The following CLIC5 variants were observed in gnomAD, a reference collection of about 807,000 sequenced individuals.
The protein encoded by CLIC5 is CLIC family member 5.
CLIC5 carries 20 observed loss-of-function variants against 24.7 expected under a neutral mutation model. The ratio of observed to expected loss-of-function variants is 0.81; its 90% CI spans 0.57 to 1.18. CLIC5 has a LOEUF of 1.18. CLIC5 is among the 50% of genes most tolerant of loss of function. The pLI is 0.00. For synonymous variants in CLIC5, 159 were observed against 135.6 expected (o/e 1.17, Z -1.20); for missense variants, 341 against 326.1 (o/e 1.05, Z -0.35).
intron 4 of CLIC5, among the ~76,000 whole-genome samples, chr6:45,936,370 A>T (rs1763936160): frequency 6.6e-6 from 1 of 151,544 alleles, no homozygotes; most frequent in Non-Finnish European, 1.5e-5. Context: ...ATACCCTGCT[A>T]ATTTTTGTAT....
At chr6:45,964,408 G>A (rs552776598) in intron 1 of CLIC5, among the ~76,000 whole-genome samples, 11 of 152,244 alleles carry the variant, frequency 7.2e-5, no homozygotes, top group South Asian at 6.2e-4. Flanking sequence ...TCTTAAAATA[G>A]GGCAGGCTTT....
chr6:45,955,451 T>A (rs1764612138), intron 1 of CLIC5, among the ~76,000 whole-genome samples: 1 of 152,208 alleles, frequency 6.6e-6, no homozygotes, highest in South Asian at 2.1e-4. Flanking sequence ...CAATAAATAC[T>A]TGCTGAATTG....
At chr6:46,070,553 C>A (rs1176567317) in intron 1 of CLIC5, among the ~76,000 whole-genome samples, 1 of 152,074 alleles carries the variant, frequency 6.6e-6, no homozygotes, top group Non-Finnish European at 1.5e-5. Flanking sequence ...TTATAAAACA[C>A]TACTCAAAGA....
At chr6:45,974,497 G>GTGTGTA (rs1192750031) in intron 1 of CLIC5, among the ~76,000 whole-genome samples, 2 of 76,208 alleles carry the variant, frequency 2.6e-5, no homozygotes, top group Non-Finnish European at 5.1e-5. Context: ...GTGTGTGTGT[G>GTGTGTA]TATATATATA....
At chr6:45,934,603 G>A (rs931593301) in intron 4 of CLIC5, among the ~76,000 whole-genome samples, 25 of 152,232 alleles carry the variant, frequency 1.6e-4, no homozygotes, top group African/African-American at 6.0e-4. Context: ...TCTCACTAGG[G>A]GAAAGGGAGT....
At chr6:45,895,124 A>G (rs1248567202), downstream of CLIC5, among the ~76,000 whole-genome samples, 1 of 152,206 alleles carries the variant, frequency 6.6e-6, no homozygotes, top group African/African-American at 2.4e-5. Context: ...GATTACCAGT[A>G]TAATTTATTT....
chr6:45,898,989 T>C lies in CLIC5; in HGVS notation c.*4099A>G, dbSNP rs886423931. The stretch of plus-strand genomic sequence containing the variant: ...TTATTTTTGGTTGCAAGAAAGGAAT[T>C]GGATCTATTTCTTTAACGTTAAATG... On this transcript the variant is annotated 3_prime_UTR_variant, in exon 6 of 6. Coordinates refer to ENST00000339561, the MANE Select transcript of CLIC5 (RefSeq NM_016929.5). 1 of 152,192 alleles carries C rather than the reference T, an allele frequency of 6.6e-6. No homozygotes were observed. Among genetic ancestry groups the C allele is most frequent in the African/African-American group, 2.4e-5 (1 of 41,448 alleles). The allele number at this position is 152,192 out of a possible 1,614,324, so 9.4% of individuals were successfully genotyped here. A position where few individuals can be genotyped will look rare whatever the true frequency, so the allele number is the denominator to read the frequency against.
Position 45,902,946 on chromosome 6 carries a change from GGA to G in CLIC5, c.*140_*141del. 2 of 848,948 alleles carry G rather than the reference GGA, an allele frequency of 2.4e-6. No homozygotes were observed. Among genetic ancestry groups the G allele is most frequent in the Non-Finnish European group, 3.7e-6 (2 of 534,462 alleles). The allele number at this position is 848,948 out of a possible 1,614,324, so 52.6% of individuals were successfully genotyped here. A position where few individuals can be genotyped will look rare whatever the true frequency, so the allele number is the denominator to read the frequency against. Reference sequence around the variant, plus strand: ...TGACCTTCATGAAAGATAGCAGGCTGGAGTTCCCATGATACCAGCAAGATGAG... The same window carrying G: ...TGACCTTCATGAAAGATAGCAGGCTGGTTCCCATGATACCAGCAAGATGAG... On this transcript the variant is annotated 3_prime_UTR_variant, in exon 6 of 6. Coordinates refer to ENST00000339561, the MANE Select transcript of CLIC5 (RefSeq NM_016929.5).
In CLIC5 at chr6:46,005,982, A is replaced by G. The variant is rs561933860; in HGVS notation, c.63+9498T>C. On this transcript the variant is annotated intron_variant, in intron 1 of 5. Coordinates refer to ENST00000339561, the MANE Select transcript of CLIC5 (RefSeq NM_016929.5). ...AGATTAGGACAGAGCCTATGTGTGT[A>G]TATATATATATATATATTTATATAT... Among the ~76,000 whole-genome samples, 343 of 117,624 alleles carry G rather than the reference A, an allele frequency of 2.9e-3. 2 individuals carry two copies. The highest frequency in any genetic ancestry group is 9.2e-3 in the African/African-American group (253 of 27,612). 77.2% of individuals were successfully genotyped at this position (117,624 alleles called of 152,430 possible). A position where few individuals can be genotyped will look rare whatever the true frequency, so the allele number is the denominator to read the frequency against.
Position 46,015,811 on chromosome 6 carries a change from C to T in CLIC5, c.-269G>A. On this transcript the variant is annotated 5_prime_UTR_variant, in exon 1 of 6. Coordinates refer to ENST00000339561, the MANE Select transcript of CLIC5 (RefSeq NM_016929.5). ...AGGGAATGACAACAGGTCGTGGGAG[C>T]AACAAGTGCCGGGCTGCCCGGAGGT... 1.7e-6 allele frequency: 2 copies of T among 1,184,532 alleles called. No individual in the cohort carries two copies. Among genetic ancestry groups the T allele is most frequent in the East Asian group, 7.2e-5 (2 of 27,632 alleles). 73.4% of individuals were successfully genotyped at this position (1,184,532 alleles called of 1,614,324 possible).
intron 6 of CLIC5, among the ~76,000 whole-genome samples, chr6:45,893,120 T>C (rs1762366902): frequency 6.6e-6 from 1 of 152,158 alleles, no homozygotes; most frequent in African/African-American, 2.4e-5. Context: ...TATGTTGTGG[T>C]TCAGCGAGAG....
At chr6:45,911,673 G>T in intron 5 of CLIC5, 5 of 985,270 alleles carry the variant, frequency 5.1e-6, no homozygotes, top group Non-Finnish European at 6.0e-6. Flanking sequence ...CAGAATGTTA[G>T]TTTCAATACA....
In CLIC5 at chr6:46,037,023, A is replaced by T. The variant is rs142766788; in HGVS notation, c.540+42680T>A. ...AAATACCTTCCCCCATTTTTTTTTCATCCTTAGTTTAACAACCCATATTCA... is the reference window on the plus strand; with the variant it reads ...AAATACCTTCCCCCATTTTTTTTTCTTCCTTAGTTTAACAACCCATATTCA... On this transcript the variant is annotated intron_variant, in intron 1 of 5. Transcript: ENST00000185206. Among the ~76,000 whole-genome samples, 1,002 of 151,596 alleles carry T rather than the reference A, an allele frequency of 6.6e-3. 49 individuals carry two copies. The highest frequency in any genetic ancestry group is 0.052 in the Admixed American group (800 of 15,242).
chr6:46,055,868 G>C (rs116178040), intron 1 of CLIC5, among the ~76,000 whole-genome samples: 2 of 152,144 alleles, frequency 1.3e-5, no homozygotes, highest in Non-Finnish European at 2.9e-5. Context: ...CTTTGTATGA[G>C]GTACCTAGAG....
chr6:45,967,903 A>G (rs1236327477), intron 1 of CLIC5, among the ~76,000 whole-genome samples: 2 of 152,072 alleles, frequency 1.3e-5, no homozygotes, highest in African/African-American at 4.8e-5. Flanking sequence ...GAGGGAACCA[A>G]CCCCATGATC....
chr6:46,098,693 G>A, the CLIC5 span, among the ~76,000 whole-genome samples: 2 of 152,208 alleles, frequency 1.3e-5, no homozygotes, highest in Admixed American at 1.3e-4. Flanking sequence ...ACAGGGAGTG[G>A]AAGGTGCTTC....
At chr6:46,041,433 A>G (rs1388854497) in intron 1 of CLIC5, among the ~76,000 whole-genome samples, 5 of 152,124 alleles carry the variant, frequency 3.3e-5, no homozygotes, top group Non-Finnish European at 7.4e-5. Context: ...GCTCCTAACT[A>G]ACTAATATTG....
At chr6:45,897,413 G>T (rs900226695), downstream of CLIC5, among the ~76,000 whole-genome samples, 3 of 152,106 alleles carry the variant, frequency 2.0e-5, no homozygotes, top group African/African-American at 7.2e-5. Flanking sequence ...ATCTGAGGGT[G>T]GGAGTGTGTG....
chr6:45,941,736 A>T, intron 3 of CLIC5, 83 bp from the exon 4 acceptor site: 1 of 1,021,030 alleles, frequency 9.8e-7, no homozygotes, highest in South Asian at 1.3e-5. Flanking sequence ...ATGATAAGCA[A>T]TACTTCCCTT....
Sources: gnomAD v4.1 joint callset for allele counts (sites outside exome capture counted in the v4.1 genomes callset) on GRCh38, gnomAD v4.1.1 for gene constraint, MANE v1.5 for transcripts, NCBI Gene and HGNC (gene_info 2026-07-23, HGNC 2026-07-21) for gene names.